The following SAMD5 variants were observed in gnomAD, a reference collection of about 807,000 sequenced individuals.
SAMD5 encodes the protein sterile alpha motif domain-containing protein 5.
In SAMD5, 13 loss-of-function variants were observed where a neutral mutation model predicts 11.3. That is an observed-to-expected ratio of 1.15 (90% CI 0.75 to 1.83). The LOEUF (loss-of-function observed/expected upper bound fraction) is 1.83. Ranked by LOEUF, SAMD5 falls within the 40% of genes most tolerant of loss-of-function variation. SAMD5 has a pLI of 0.00. For missense variants in SAMD5, 255 were observed against 239.1 expected (o/e 1.07, Z -0.44); for synonymous variants, 129 against 111.3 (o/e 1.16, Z -1.00).
At chr6:147,769,546 G>A in the SAMD5 span, among the ~76,000 whole-genome samples, 4 of 152,134 alleles carry the variant, frequency 2.6e-5, no homozygotes, top group Non-Finnish European at 5.9e-5. Context: ...GGAAGAGAAA[G>A]CAAGATTAAT....
chr6:147,535,842 A>T (rs1296918879), intron 1 of SAMD5, among the ~76,000 whole-genome samples: 1 of 152,140 alleles, frequency 6.6e-6, no homozygotes, highest in East Asian at 1.9e-4. Flanking sequence ...TTTATTTACC[A>T]CAGGTCAGGA....
At chr6:147,720,739 G>A (rs1791539126) in intron 1 of SAMD5, among the ~76,000 whole-genome samples, 1 of 151,348 alleles carries the variant, frequency 6.6e-6, no homozygotes, top group Admixed American at 6.6e-5. Context: ...GGGTACATGT[G>A]CACAATGTGC....
intron 1 of SAMD5, among the ~76,000 whole-genome samples, chr6:147,518,266 C>T (rs927984383): frequency 1.3e-5 from 2 of 152,124 alleles, no homozygotes; most frequent in African/African-American, 4.8e-5. Flanking sequence ...AAACTACCAC[C>T]TTATCAAGTC....
At chr6:147,877,887 ATAGATAGC>A in the SAMD5 span, among the ~76,000 whole-genome samples, 1 of 78,358 alleles carries the variant, frequency 1.3e-5, no homozygotes, top group South Asian at 3.9e-4. Flanking sequence ...CACACGATAG[ATAGATAGC>A]TAGATAGATA....
the SAMD5 span, among the ~76,000 whole-genome samples, chr6:147,877,891 A>ATAGATAGC: frequency 4.3e-4 from 39 of 90,246 alleles, no homozygotes; most frequent in African/African-American, 1.4e-3. Context: ...CGATAGATAG[A>ATAGATAGC]TAGCTAGATA....
intron 1 of SAMD5, among the ~76,000 whole-genome samples, chr6:147,703,588 T>G (rs1413982397): frequency 1.3e-5 from 2 of 152,244 alleles, no homozygotes; most frequent in Non-Finnish European, 2.9e-5. Flanking sequence ...TTGCTGTATT[T>G]GTTTTATTTG....
chr6:147,650,515 AT>A (rs1382993208), intron 1 of SAMD5, among the ~76,000 whole-genome samples: 1 of 152,252 alleles, frequency 6.6e-6, no homozygotes, highest in Non-Finnish European at 1.5e-5. Flanking sequence ...CTGGTATGCA[AT>A]GCTGTAGAGA....
At chr6:147,896,143 T>G in the SAMD5 span, among the ~76,000 whole-genome samples, 1 of 152,246 alleles carries the variant, frequency 6.6e-6, no homozygotes, top group Non-Finnish European at 1.5e-5. Flanking sequence ...GCTATTTTCC[T>G]GTTACTTTCT....
chr6:147,625,398 A>G (rs1158870225), intron 1 of SAMD5, among the ~76,000 whole-genome samples: 1 of 152,232 alleles, frequency 6.6e-6, no homozygotes, highest in Non-Finnish European at 1.5e-5. Flanking sequence ...TAAAGTCAAC[A>G]CTGGCACTGG....
chr6:147,746,988 A>T, the SAMD5 span, among the ~76,000 whole-genome samples: 1 of 152,180 alleles, frequency 6.6e-6, no homozygotes, highest in Non-Finnish European at 1.5e-5. Flanking sequence ...CGTGAGGACC[A>T]TGTTCAGTAA....
chr6:147,803,067 C>A, the SAMD5 span, among the ~76,000 whole-genome samples: 29 of 151,542 alleles, frequency 1.9e-4, no homozygotes, highest in African/African-American at 6.8e-4. Flanking sequence ...TAAATGTTGA[C>A]AAATGGACAT....
intron 1 of SAMD5, among the ~76,000 whole-genome samples, chr6:147,716,617 C>T (rs926231805): frequency 3.3e-5 from 5 of 152,222 alleles, no homozygotes; most frequent in African/African-American, 1.2e-4. Context: ...GGGGCTTCCA[C>T]CTGTTTCCGG....
At chr6:147,624,500 C>T (rs966841574) in intron 1 of SAMD5, among the ~76,000 whole-genome samples, 1 of 152,196 alleles carries the variant, frequency 6.6e-6, no homozygotes, top group Non-Finnish European at 1.5e-5. Context: ...TTTTCCATTC[C>T]TGAGTTACTT....
intron 1 of SAMD5, among the ~76,000 whole-genome samples, chr6:147,636,351 C>G (rs1790230495): frequency 6.6e-6 from 1 of 152,086 alleles, no homozygotes; most frequent in Non-Finnish European, 1.5e-5. Context: ...GTTTTACTAT[C>G]CTACTTTTAG....
At chr6:147,629,948 C>CTTT (rs770484060) in intron 1 of SAMD5, among the ~76,000 whole-genome samples, 1 of 123,248 alleles carries the variant, frequency 8.1e-6, no homozygotes, top group Non-Finnish European at 1.7e-5. Context: ...GTTTTCTTTT[C>CTTT]TTTTTTTTTT....
At chr6:147,769,149 G>A in the SAMD5 span, among the ~76,000 whole-genome samples, 1 of 152,148 alleles carries the variant, frequency 6.6e-6, no homozygotes, top group East Asian at 1.9e-4. Context: ...TGACTCCTTG[G>A]GAAGAGGAAG....
chr6:147,821,367 C>G, the SAMD5 span, among the ~76,000 whole-genome samples: 4 of 152,186 alleles, frequency 2.6e-5, no homozygotes, highest in Non-Finnish European at 5.9e-5. Context: ...ATACCCTTAA[C>G]GGTGTTTTAG....
chr6:147,737,965 CA>C (rs1193685719), downstream of SAMD5, among the ~76,000 whole-genome samples: 1 of 151,862 alleles, frequency 6.6e-6, no homozygotes, highest in Non-Finnish European at 1.5e-5. Context: ...ATGATATGAT[CA>C]AAACAATAAC....
intron 1 of SAMD5, among the ~76,000 whole-genome samples, chr6:147,608,202 G>A (rs761927553): frequency 6.6e-6 from 1 of 152,202 alleles, no homozygotes; most frequent in Non-Finnish European, 1.5e-5. Context: ...ATGTAAATTA[G>A]CACAAACACT....
Sources: gnomAD v4.1 joint callset for allele counts (sites outside exome capture counted in the v4.1 genomes callset) on GRCh38, gnomAD v4.1.1 for gene constraint, MANE v1.5 for transcripts, NCBI Gene and HGNC (gene_info 2026-07-23, HGNC 2026-07-21) for gene names.